The following FGD4 variants were observed in gnomAD, a reference collection of about 807,000 sequenced individuals.
FGD4 encodes FYVE, RhoGEF and PH domain containing 4.
In FGD4, 42 loss-of-function variants were observed where a neutral mutation model predicts 102.0. That is an observed-to-expected ratio of 0.41 (90% CI 0.32 to 0.53). The LOEUF (loss-of-function observed/expected upper bound fraction) is 0.53, where lower values mean the gene tolerates loss of function less well. FGD4 is among the 20% of genes least tolerant of loss of function. FGD4 has a pLI of 0.21. For missense variants in FGD4, 902 were observed against 1,078.2 expected (o/e 0.84, Z 2.29); for synonymous variants, 380 against 375.7 (o/e 1.01, Z -0.13).
At chr12:32,598,386 G>A (rs1289800094) in intron 4 of FGD4, 111 bp from the exon 5 acceptor site, 1 of 749,520 alleles carries the variant, frequency 1.3e-6, no homozygotes, top group East Asian at 2.6e-5. Flanking sequence ...CCGAGTAACT[G>A]AAAAGCTTGA....
intron 1 of FGD4, among the ~76,000 whole-genome samples, chr12:32,546,049 T>C (rs1448299370): frequency 6.6e-6 from 1 of 152,262 alleles, no homozygotes; most frequent in Non-Finnish European, 1.5e-5. Flanking sequence ...TTTTTGTGAA[T>C]ATTGTTAGTT....
chr12:32,434,385 G>A (rs1052588680), intron 1 of FGD4, among the ~76,000 whole-genome samples: 2 of 152,204 alleles, frequency 1.3e-5, no homozygotes, highest in African/African-American at 2.4e-5. Context: ...GAAGACTCAG[G>A]TGAGCAGTAA....
intron 1 of FGD4, among the ~76,000 whole-genome samples, chr12:32,448,395 C>A (rs1305790517): frequency 6.6e-6 from 1 of 152,028 alleles, no homozygotes; most frequent in Non-Finnish European, 1.5e-5. Flanking sequence ...GGGTAGCTCA[C>A]CCCTGTAATC....
chr12:32,402,068 A>G (rs1357110869), intron 1 of FGD4, among the ~76,000 whole-genome samples: 3 of 148,238 alleles, frequency 2.0e-5, no homozygotes, highest in Admixed American at 6.8e-5. Flanking sequence ...ACGCCCGGCT[A>G]ATTTTTTGTA....
At chr12:32,624,726 G>A (rs111653087) in intron 12 of FGD4, 14 of 646,326 alleles carry the variant, frequency 2.2e-5, no homozygotes, top group South Asian at 9.6e-5. Flanking sequence ...TGCCTGCCTC[G>A]GTCTCCCAAA....
At position 32,402,527 on chromosome 12, in the gene FGD4, A is replaced by G. The variant is rs2136377626; in HGVS notation, c.166+2568A>G. ...CATAGGTACAATCGTAGCTCACTAT[A>G]GCTTCGAACTCATGGGCTCAAAGCT... is the stretch of plus-strand genomic sequence containing the variant. On this transcript the variant is annotated intron_variant, in intron 1 of 16. Transcript: ENST00000534526. Among the ~76,000 whole-genome samples the G allele has an allele frequency of 1.3e-5, 2 of 151,948 alleles. 1 individual carries two copies. The highest frequency in any genetic ancestry group is 4.8e-5 in the African/African-American group (2 of 41,456).
At chr12:32,400,502 T>A (rs887960320) in intron 1 of FGD4, among the ~76,000 whole-genome samples, 4 of 152,234 alleles carry the variant, frequency 2.6e-5, no homozygotes, top group Non-Finnish European at 5.9e-5. Context: ...TCATTATTGC[T>A]GTTTTCATGT....
chr12:32,571,832 G>A (rs1945693092), intron 2 of FGD4, among the ~76,000 whole-genome samples: 1 of 152,094 alleles, frequency 6.6e-6, no homozygotes, highest in Non-Finnish European at 1.5e-5. Flanking sequence ...CAGTGTGGCT[G>A]GAATCTAGGC....
chr12:32,474,007 G>A, intron 1 of FGD4, among the ~76,000 whole-genome samples: 1 of 151,766 alleles, frequency 6.6e-6, no homozygotes, highest in East Asian at 1.9e-4. Context: ...AGAACGGCGT[G>A]AACCCAGGAG....
intron 1 of FGD4, among the ~76,000 whole-genome samples, chr12:32,519,386 G>A (rs1173357930): frequency 6.6e-6 from 1 of 152,128 alleles, no homozygotes; most frequent in Non-Finnish European, 1.5e-5. Flanking sequence ...CCATTATTGT[G>A]TAATTTTATC....
At chr12:32,491,147 A>AAC in intron 1 of FGD4, among the ~76,000 whole-genome samples, 1 of 151,026 alleles carries the variant, frequency 6.6e-6, no homozygotes, top group Admixed American at 6.6e-5. Flanking sequence ...AAAAAAAAAA[A>AAC]AAACAAAAAA....
chr12:32,530,384 G>A (rs1380025126), intron 1 of FGD4, among the ~76,000 whole-genome samples: 1 of 152,170 alleles, frequency 6.6e-6, no homozygotes, highest in East Asian at 1.9e-4. Context: ...TAGAGAAGCT[G>A]AGCCATGAGA....
rs140227421 is a variant in FGD4 at position 32,585,222 on chromosome 12, TTATATATATATATATATATATA to T, written c.1011+2769_1011+2790del. 6.9e-5 allele frequency among the ~76,000 whole-genome samples: 8 copies of T among 116,142 alleles called. 1 individual carries two copies. In the East Asian group the frequency reaches 7.8e-4, roughly 11 times the overall value. 76.2% of individuals were successfully genotyped at this position (116,142 alleles called of 152,430 possible). Reference sequence around the variant, plus strand: ...AGAGTGAGACCCTGTCTCAAAAATTTTATATATATATATATATATATATATATATATATATGTATATCTTAAA... The same window carrying T: ...AGAGTGAGACCCTGTCTCAAAAATTTTATATATATATATGTATATCTTAAA... On this transcript the variant is annotated intron_variant, in intron 4 of 16. Transcript: ENST00000534526.
chr12:32,592,980 T>C (rs2136538247), intron 4 of FGD4, among the ~76,000 whole-genome samples: 1 of 152,316 alleles, frequency 6.6e-6, no homozygotes, highest in Admixed American at 6.5e-5. Context: ...TATCACAGTC[T>C]TGGGTTTTGT....
chr12:32,514,552 C>T (rs1939702974), intron 1 of FGD4, among the ~76,000 whole-genome samples: 1 of 152,022 alleles, frequency 6.6e-6, no homozygotes, highest in South Asian at 2.1e-4. Context: ...CACTCTGTCT[C>T]CCAGGCTGGA....
chr12:32,638,643 A>G lies in FGD4; in HGVS notation c.2314-12A>G, dbSNP rs1426087279. 4.3e-6 allele frequency: 7 copies of G among 1,614,088 alleles called. No individual in the cohort carries two copies. Among genetic ancestry groups the G allele is most frequent in the African/African-American group, 1.3e-5 (1 of 75,058 alleles). ...TGTGTGTTCATTCTGTCTTTCCATT[A>G]TATTTTTCTAGATTGAATCAGCAGA... On this transcript the variant is annotated splice_polypyrimidine_tract_variant and intron_variant, in intron 15 of 16. Transcript: ENST00000534526.
At chr12:32,588,300 G>A (rs972352747) in intron 4 of FGD4, among the ~76,000 whole-genome samples, 1 of 152,176 alleles carries the variant, frequency 6.6e-6, no homozygotes, top group South Asian at 2.1e-4. Context: ...TATGGGCAAG[G>A]CACCGCAGTA....
chr12:32,565,816 A>G (rs1201123167), intron 2 of FGD4, among the ~76,000 whole-genome samples: 2 of 152,180 alleles, frequency 1.3e-5, no homozygotes, highest in African/African-American at 4.8e-5. Flanking sequence ...ATATGGGCTA[A>G]TTATGTATAT....
intron 1 of FGD4, among the ~76,000 whole-genome samples, chr12:32,455,829 C>T (rs1942931705): frequency 6.6e-6 from 1 of 152,002 alleles, no homozygotes; most frequent in Non-Finnish European, 1.5e-5. Context: ...TAAAGTTATG[C>T]TATAAATGAA....
Sources: gnomAD v4.1 joint callset for allele counts (sites outside exome capture counted in the v4.1 genomes callset) on GRCh38, gnomAD v4.1.1 for gene constraint, MANE v1.5 for transcripts, NCBI Gene and HGNC (gene_info 2026-07-23, HGNC 2026-07-21) for gene names.